Variants in ADAMTS20 observed in about 807,000 individuals in gnomAD.
ADAMTS20 encodes A disintegrin and metalloproteinase with thrombospondin motifs 20.
ADAMTS20 carries 225 observed loss-of-function variants against 260.1 expected under a neutral mutation model. The observed-to-expected ratio is 0.87, with a 90% CI of 0.78 to 0.97. The LOEUF is 0.97. ADAMTS20 is among the 50% of genes least tolerant of loss of function. The pLI, the probability that ADAMTS20 is intolerant of heterozygous loss-of-function variation, is 0.00. For missense variants in ADAMTS20, 2,400 were observed against 2,337.7 expected (o/e 1.03, Z -0.55); for synonymous variants, 802 against 769.5 (o/e 1.04, Z -0.70).
intron 38 of ADAMTS20, among the ~76,000 whole-genome samples, chr12:43,355,427 C>T (rs980218393): frequency 3.9e-5 from 6 of 152,100 alleles, no homozygotes; most frequent in Non-Finnish European, 7.4e-5. Flanking sequence ...AACTTCTCAA[C>T]GAAATGAATA....
intron 29 of ADAMTS20, among the ~76,000 whole-genome samples, chr12:43,395,614 A>AG (rs1940683534): frequency 6.6e-6 from 1 of 151,550 alleles, no homozygotes; most frequent in African/African-American, 2.4e-5. Flanking sequence ...GTCTCAAAGA[A>AG]GGTGTAAGCA....
chr12:43,456,574 C>T (rs183139067), intron 11 of ADAMTS20, among the ~76,000 whole-genome samples: 80 of 152,228 alleles, frequency 5.3e-4, no homozygotes, highest in African/African-American at 1.6e-3. Context: ...AAATAGCACT[C>T]GAACATAAAT....
chr12:43,393,256 G>T (rs1307210234), intron 29 of ADAMTS20, among the ~76,000 whole-genome samples: 1 of 151,968 alleles, frequency 6.6e-6, no homozygotes, highest in Non-Finnish European at 1.5e-5. Flanking sequence ...ATATAAGCAT[G>T]TCAAATTTCG....
At chr12:43,393,363 A>G (rs1465068829) in intron 29 of ADAMTS20, among the ~76,000 whole-genome samples, 1 of 152,078 alleles carries the variant, frequency 6.6e-6, no homozygotes, top group African/African-American at 2.4e-5. Context: ...CTACTTCTTC[A>G]TCTATATTAC....
In ADAMTS20 at chr12:43,384,928, C is replaced by T. The variant is rs530383002; in HGVS notation, c.4453-951G>A. Among the ~76,000 whole-genome samples, 32 of 152,144 alleles carry T rather than the reference C, an allele frequency of 2.1e-4. No homozygotes were observed. The East Asian group carries it at 3.1e-3, about 15-fold the overall frequency. ...GCTGCTATAAACATATGTGTGCATGCGTTTTTTATAGTAGAATGTTTTATA... is the reference window on the plus strand; with the variant it reads ...GCTGCTATAAACATATGTGTGCATGTGTTTTTTATAGTAGAATGTTTTATA... On this transcript the variant is annotated intron_variant, in intron 29 of 38. Coordinates refer to ENST00000389420, the MANE Select transcript of ADAMTS20 (RefSeq NM_025003.5).
At chr12:43,378,682 G>C (rs1352341549) in intron 31 of ADAMTS20, among the ~76,000 whole-genome samples, 2 of 152,188 alleles carry the variant, frequency 1.3e-5, no homozygotes, top group African/African-American at 2.4e-5. Flanking sequence ...TGGCTGACAT[G>C]CAACAGAAAA....
chr12:43,439,041 C>G (rs910811116), intron 18 of ADAMTS20, among the ~76,000 whole-genome samples: 1 of 152,150 alleles, frequency 6.6e-6, no homozygotes, highest in Non-Finnish European at 1.5e-5. Flanking sequence ...TAATATTACA[C>G]AATTAAATAT....
Position 43,551,996 on chromosome 12 carries a change from C to T in ADAMTS20, c.-75G>A. On this transcript the variant is annotated 5_prime_UTR_variant, in exon 1 of 39. Coordinates refer to ENST00000389420, the MANE Select transcript of ADAMTS20 (RefSeq NM_025003.5). The surrounding 1 kb of genome is among the most constrained non-coding windows in gnomAD (Gnocchi z 4.6). ...AGCCAAGCCGGCTTCCCTCGCGCTCCGATCCCTCTCCTCCCTCTCGCCCGC... is the reference window on the plus strand; with the variant it reads ...AGCCAAGCCGGCTTCCCTCGCGCTCTGATCCCTCTCCTCCCTCTCGCCCGC... 8.0e-7 allele frequency: 1 copy of T among 1,257,826 alleles called. No homozygotes were observed. Among genetic ancestry groups the T allele is most frequent in the South Asian group, 1.2e-5 (1 of 82,736 alleles). The allele number at this position is 1,257,826 out of a possible 1,614,324, so 77.9% of individuals were successfully genotyped here.
chr12:43,432,991 T>C (rs1243168763), intron 19 of ADAMTS20, among the ~76,000 whole-genome samples, 180 bp from the exon 20 acceptor site: 1 of 152,150 alleles, frequency 6.6e-6, no homozygotes, highest in African/African-American at 2.4e-5. Context: ...CAGCACTTGG[T>C]GGTAGCTTTG....
At chr12:43,529,435 A>C (rs191612636) in intron 3 of ADAMTS20, among the ~76,000 whole-genome samples, 1 of 152,284 alleles carries the variant, frequency 6.6e-6, no homozygotes, top group African/African-American at 2.4e-5. Flanking sequence ...GGATAAAGAA[A>C]ATGTGGTACA....
intron 3 of ADAMTS20, among the ~76,000 whole-genome samples, chr12:43,502,638 A>G (rs1285816426): frequency 6.6e-6 from 1 of 152,188 alleles, no homozygotes; most frequent in Admixed American, 6.5e-5. Context: ...AGATTTTACC[A>G]ACAAGAAATT....
chr12:43,515,088 C>T (rs7970292), intron 3 of ADAMTS20, among the ~76,000 whole-genome samples: 103,074 of 152,014 alleles, frequency 0.68, 35,290 homozygotes, highest in East Asian at 0.99. Context: ...GTTTTTCAAA[C>T]TTTTATACAG....
intron 7 of ADAMTS20, among the ~76,000 whole-genome samples, chr12:43,484,340 T>C (rs1425982291): frequency 1.3e-5 from 2 of 152,122 alleles, no homozygotes; most frequent in Non-Finnish European, 2.9e-5. Context: ...AATGAAATCT[T>C]TGAAATACCA....
intron 28 of ADAMTS20, among the ~76,000 whole-genome samples, chr12:43,422,003 A>C (rs1367059739): frequency 6.6e-6 from 1 of 151,998 alleles, no homozygotes; most frequent in Non-Finnish European, 1.5e-5. Flanking sequence ...AGGAGTAAAA[A>C]TACAACATAC....
Position 43,399,248 on chromosome 12 carries a change from T to C in ADAMTS20, c.4285-15A>G. 4.8e-6 allele frequency: 7 copies of C among 1,447,946 alleles called. No individual in the cohort carries two copies. The highest frequency in any genetic ancestry group is 2.6e-5 in the East Asian group (1 of 37,920). 89.7% of individuals were successfully genotyped at this position (1,447,946 alleles called of 1,614,324 possible). ...GAAGCTGAGCACTAGAAAAGAAATA[T>C]GAATGCACTTGATTCATTTTCTTCT... On this transcript the variant is annotated splice_polypyrimidine_tract_variant and intron_variant, in intron 28 of 38. Coordinates refer to ENST00000389420, the MANE Select transcript of ADAMTS20 (RefSeq NM_025003.5).
At chr12:43,484,551 T>C (rs1042929062) in intron 7 of ADAMTS20, among the ~76,000 whole-genome samples, 5 of 152,096 alleles carry the variant, frequency 3.3e-5, no homozygotes, top group African/African-American at 9.7e-5. Flanking sequence ...ATTTTAACAA[T>C]AGACTAGAAG....
At chr12:43,414,287 G>C (rs534054561) in intron 28 of ADAMTS20, among the ~76,000 whole-genome samples, 109 of 152,150 alleles carry the variant, frequency 7.2e-4, no homozygotes, top group African/African-American at 2.5e-3. Context: ...ACAGTTTGCT[G>C]TTCTCTCCAT....
At chr12:43,535,377 A>G (rs1297193760) in intron 2 of ADAMTS20, among the ~76,000 whole-genome samples, 1 of 148,672 alleles carries the variant, frequency 6.7e-6, no homozygotes, top group African/African-American at 2.4e-5. Context: ...TAGACCTAGA[A>G]TATAAAGACT....
intron 37 of ADAMTS20, among the ~76,000 whole-genome samples, chr12:43,367,249 A>G (rs1246551334): frequency 6.6e-6 from 1 of 152,072 alleles, no homozygotes; most frequent in Non-Finnish European, 1.5e-5. Context: ...CAAGAAAAAA[A>G]ATGATACAAC....
Sources: gnomAD v4.1 joint callset for allele counts (sites outside exome capture counted in the v4.1 genomes callset) on GRCh38, gnomAD v4.1.1 for gene constraint, Gnocchi (gnomAD v3.1) non-coding constraint, MANE v1.5 for transcripts, NCBI Gene and HGNC (gene_info 2026-07-23, HGNC 2026-07-21) for gene names.